The following RAD54L variants were observed in gnomAD, a reference collection of about 807,000 sequenced individuals.
The protein encoded by RAD54L is DNA repair and recombination protein RAD54-like.
In RAD54L, 74 loss-of-function variants were observed where a neutral mutation model predicts 91.6. That is an observed-to-expected ratio of 0.81 (90% CI 0.67 to 0.98). RAD54L has a LOEUF of 0.98. Among genes scored for constraint, RAD54L ranks in the 50% least tolerant of loss-of-function variants. RAD54L has a pLI of 0.00. For missense variants in RAD54L, 887 were observed against 945.7 expected, an observed-to-expected ratio of 0.94 and a Z score of 0.81; for synonymous variants, 304 against 349.7, an observed-to-expected ratio of 0.87 and a Z score of 1.46.
In RAD54L at chr1:46,248,362, C is replaced by A; in HGVS notation, c.-44C>A. The stretch of plus-strand genomic sequence containing the variant: ...CTCTTAGCCGCTGCCTGCTTTTGAC[C>A]TTTGGCTCATGGGTACTTGACGTTT... On this transcript the variant is annotated 5_prime_UTR_variant, in exon 1 of 18. Transcript: ENST00000371975. 2 of 1,612,602 alleles carry A rather than the reference C, an allele frequency of 1.2e-6. No individual in the cohort carries two copies. Among genetic ancestry groups the A allele is most frequent in the African/African-American group, 2.7e-5 (2 of 74,984 alleles).
intron 7 of RAD54L, 112 bp downstream of exon 7, chr1:46,261,127 GAA>G (rs774063522): frequency 6.5e-6 from 10 of 1,541,234 alleles, no homozygotes; most frequent in Non-Finnish European, 8.0e-6. Context: ...GAAGAAAAGA[GAA>G]TTTCCATTGA....
rs368976129 is a variant in RAD54L, at chr1:46,274,706, C to T, written c.1858C>T (p.Arg620Cys). 164 of 1,613,952 alleles carry T rather than the reference C, an allele frequency of 1.0e-4. No individual in the cohort carries two copies. Among genetic ancestry groups the T allele is most frequent in the Non-Finnish European group, 1.3e-4 (155 of 1,180,024 alleles). ...DGQKKTCYIY[R>C]LLSAGTIEEK... ...TCAAAAGAAGACTTGCTATATCTAC[C>T]GCCTGCTGTCTGTAAGGATGGTGAT... The change falls in exon 16 of 18, where the codon CGC becomes TGC. Residue 620 changes from arginine (R) to cysteine (C), a missense_variant. Coordinates refer to ENST00000371975, the MANE Select transcript of RAD54L (RefSeq NM_003579.4).
intron 3 of RAD54L, among the ~76,000 whole-genome samples, chr1:46,256,465 G>A (rs1343237190): frequency 6.6e-6 from 1 of 152,044 alleles, no homozygotes; most frequent in Non-Finnish European, 1.5e-5. Context: ...TAAAGGCTGG[G>A]CATAATGGCT....
chr1:46,267,534 A>C lies in RAD54L; in HGVS notation c.967A>C (p.Ile323Leu), dbSNP rs758431541. Residue 323 changes from isoleucine to leucine, a missense_variant, in exon 9 of 18, where the codon ATC becomes CTC. Transcript: ENST00000371975. Reference sequence around the variant, plus strand: ...CTTGAACACCAGCCGGCGGGTGCTCATCTCCGGAACTCCCATCCAGAATGA... The same window carrying C: ...CTTGAACACCAGCCGGCGGGTGCTCCTCTCCGGAACTCCCATCCAGAATGA... ...DSLNTSRRVL[I>L]SGTPIQNDLL... 1 of 1,613,852 alleles carries C rather than the reference A, an allele frequency of 6.2e-7. No homozygotes were observed. The highest frequency in any genetic ancestry group is 1.3e-5 in the African/African-American group (1 of 74,908).
chr1:46,275,107 TAC>T (rs1660555455), intron 16 of RAD54L, among the ~76,000 whole-genome samples: 1 of 152,264 alleles, frequency 6.6e-6, no homozygotes, highest in Admixed American at 6.5e-5. Flanking sequence ...TGGACTTGAC[TAC>T]ACTCTTTTCT....
At chr1:46,253,017 AC>A (rs1448269792) in intron 3 of RAD54L, among the ~76,000 whole-genome samples, 2 of 152,138 alleles carry the variant, frequency 1.3e-5, no homozygotes, top group Non-Finnish European at 1.5e-5. Flanking sequence ...GGGTGCAGTG[AC>A]CCGTGATACT....
chr1:46,248,400 C>T lies in RAD54L; in HGVS notation c.-6C>T. On this transcript the variant is annotated 5_prime_UTR_variant, in exon 1 of 18. Transcript: ENST00000371975. ...GTACTTGACGTTTTAAACTCCTAGG[C>T]CCAGGATGGTAAGTGTGGGCCTAGG... 1 of 1,613,922 alleles carries T rather than the reference C, an allele frequency of 6.2e-7. No individual in the cohort carries two copies. The highest frequency in any genetic ancestry group is 8.5e-7 in the Non-Finnish European group (1 of 1,180,014).
At chr1:46,267,239 T>C (rs1324641804) in intron 8 of RAD54L, among the ~76,000 whole-genome samples, 1 of 152,138 alleles carries the variant, frequency 6.6e-6, no homozygotes, top group Non-Finnish European at 1.5e-5. Flanking sequence ...AATTTTTGTA[T>C]GTTTTGTAGA....
intron 16 of RAD54L, among the ~76,000 whole-genome samples, chr1:46,277,254 C>G: frequency 6.6e-6 from 1 of 152,144 alleles, no homozygotes; most frequent in East Asian, 1.9e-4. Flanking sequence ...TCTTTTCTTA[C>G]AAACCATCTA....
intron 16 of RAD54L, chr1:46,277,490 G>C (rs1272693151): frequency 4.8e-6 from 2 of 414,784 alleles, no homozygotes; most frequent in South Asian, 2.3e-5. Context: ...GATATTTATT[G>C]AATGAGTTAG....
At chr1:46,274,305 T>TA (rs975387962) in intron 15 of RAD54L, 89 bp downstream of exon 15, 1 of 1,414,634 alleles carries the variant, frequency 7.1e-7, no homozygotes, top group African/African-American at 1.4e-5. Flanking sequence ...TACCTTGATT[T>TA]TTTTTTTTTT....
chr1:46,257,634 A>G (rs781206614), intron 3 of RAD54L, among the ~76,000 whole-genome samples: 2 of 152,178 alleles, frequency 1.3e-5, no homozygotes, highest in South Asian at 2.1e-4. Flanking sequence ...GGACCCACAT[A>G]TGTCTACCTG....
intron 9 of RAD54L, among the ~76,000 whole-genome samples, chr1:46,270,363 GA>G (rs879642641): frequency 8.0e-4 from 115 of 143,246 alleles, no homozygotes; most frequent in East Asian, 8.3e-4. Flanking sequence ...TCCATTGCAG[GA>G]AAAAAAAAAA....
rs777770167 is a variant in RAD54L, at chr1:46,260,581, C to A, written c.447C>A (p.Leu149=). ...TCCATGTGGTTGTTGACCCTATTCTCAGTAAGGTTTTGCGGCCTCATCAGA... is the reference window on the plus strand; with the variant it reads ...TCCATGTGGTTGTTGACCCTATTCTAAGTAAGGTTTTGCGGCCTCATCAGA... ...LPVHVVVDPI[L]SKVLRPHQRE... The change falls in exon 6 of 18, where the codon CTC becomes CTA. Residue 149 remains leucine (L), a synonymous_variant. Coordinates refer to ENST00000371975, the MANE Select transcript of RAD54L (RefSeq NM_003579.4). 3.1e-6 allele frequency: 5 copies of A among 1,613,990 alleles called. No homozygotes were observed. The highest frequency in any genetic ancestry group is 4.2e-6 in the Non-Finnish European group (5 of 1,180,020).
rs185193709 is a variant in RAD54L, at chr1:46,262,671, G to T, written c.891+1286G>T. Among the ~76,000 whole-genome samples, 144 of 152,088 alleles carry T rather than the reference G, an allele frequency of 9.5e-4. 1 individual carries two copies. The highest frequency in any genetic ancestry group is 6.8e-3 in the Middle Eastern group (2 of 294). ...TGTCCCCTGCTTGTAAAGATGAGCT[G>T]TTTTTTTACATTGTCAGGGTGAGGG... On this transcript the variant is annotated intron_variant, in intron 8 of 17. Transcript: ENST00000371975.
intron 3 of RAD54L, among the ~76,000 whole-genome samples, chr1:46,257,800 G>A (rs1659983582): frequency 6.6e-6 from 1 of 152,144 alleles, no homozygotes; most frequent in Admixed American, 6.5e-5. Context: ...GAGAGGCCAC[G>A]TTGCCTACTG....
intron 3 of RAD54L, among the ~76,000 whole-genome samples, chr1:46,256,136 G>C (rs1241383391): frequency 6.6e-6 from 1 of 151,928 alleles, no homozygotes; most frequent in South Asian, 2.1e-4. Context: ...GGAGTGCAGT[G>C]GTGTAGTTGT....
intron 16 of RAD54L, chr1:46,277,382 T>A (rs1455024700): frequency 7.9e-6 from 2 of 252,392 alleles, no homozygotes; most frequent in Non-Finnish European, 1.6e-5. Flanking sequence ...ATCAACTGTT[T>A]AAATGTTTGT....
chr1:46,270,305 G>GTTGCAGTGAGCCGAGA (rs1309881543), intron 9 of RAD54L, among the ~76,000 whole-genome samples: 1 of 151,872 alleles, frequency 6.6e-6, no homozygotes, highest in Non-Finnish European at 1.5e-5. Context: ...GGAGGCAGAG[G>GTTGCAGTGAGCCGAGA]TTGCAGTGAG....
Sources: allele counts gnomAD v4.1 joint callset (sites outside exome capture counted in the v4.1 genomes callset), GRCh38; gene constraint gnomAD v4.1.1; transcripts MANE v1.5; gene names NCBI Gene and HGNC (gene_info 2026-07-23, HGNC 2026-07-21).